Variants in SF3A1 observed in about 807,000 individuals in gnomAD.
SF3A1 encodes the protein SAP 114.
SF3A1 carries 13 observed loss-of-function variants against 89.9 expected under a neutral mutation model. The observed-to-expected ratio is 0.14, with a 90% CI of 0.09 to 0.23. The LOEUF (loss-of-function observed/expected upper bound fraction) is 0.23, where lower values mean the gene tolerates loss of function less well. Among genes scored for constraint, SF3A1 ranks in the 10% least tolerant of loss-of-function variants. SF3A1 has a pLI of 1.00. For missense variants in SF3A1, 604 were observed against 1,022.1 expected (o/e 0.59, Z 5.58); for synonymous variants, 405 against 374.4 (o/e 1.08, Z -0.94).
At chr22:30,342,108 G>T in intron 6 of SF3A1, 92 bp downstream of exon 6, 1 of 1,460,152 alleles carries the variant, frequency 6.8e-7, no homozygotes, top group Non-Finnish European at 9.6e-7. Context: ...CCCTCTGAGA[G>T]ATTCTACTGC....
At chr22:30,345,311 T>C in intron 3 of SF3A1, 121 bp from the exon 4 acceptor site, 1 of 907,734 alleles carries the variant, frequency 1.1e-6, no homozygotes, top group Non-Finnish European at 1.7e-6. Context: ...TAGACTTCTG[T>C]TAATTATGCA....
chr22:30,339,998 C>T (rs1366650975), intron 9 of SF3A1, among the ~76,000 whole-genome samples, 198 bp downstream of exon 9: 1 of 152,224 alleles, frequency 6.6e-6, no homozygotes. Context: ...AGGCACATGG[C>T]ATCTCCTTCA....
chr22:30,346,126 T>C (rs1343127501), intron 3 of SF3A1, 186 bp downstream of exon 3: 1 of 594,752 alleles, frequency 1.7e-6, no homozygotes, highest in Non-Finnish European at 3.0e-6. Context: ...CAAGCAGTGC[T>C]CGGGAAATGC....
At chr22:30,340,908 C>T in intron 7 of SF3A1, 96 bp from the exon 8 acceptor site, 1 of 758,680 alleles carries the variant, frequency 1.3e-6, no homozygotes, top group Non-Finnish European at 2.2e-6. Flanking sequence ...GAGCCTTGGC[C>T]TCTGCCAGCC....
chr22:30,339,125 C>T lies in SF3A1; in HGVS notation c.1497+5G>A, dbSNP rs758826809. The T allele has an allele frequency of 7.4e-6, 12 of 1,613,980 alleles. No homozygotes were observed. The Admixed American group carries it at 8.3e-5, about 11-fold the overall frequency. Reference sequence around the variant, plus strand: ...AGAAGGCACTAGGTTCCACTTTAGCCGCACCTTTTCCTCTGGCTTCTGGAT... The same window carrying T: ...AGAAGGCACTAGGTTCCACTTTAGCTGCACCTTTTCCTCTGGCTTCTGGAT... On this transcript the variant is annotated splice_donor_5th_base_variant and intron_variant, in intron 10 of 15. Coordinates refer to ENST00000215793, the MANE Select transcript of SF3A1 (RefSeq NM_005877.6).
rs756858931 is a variant in SF3A1, at chr22:30,333,802, C to T, written c.*792G>A. ...GTTAAATACATACATTTTAAAGAAA[C>T]GTCATCATATCCACACACCTATGAG... is the stretch of plus-strand genomic sequence containing the variant. On this transcript the variant is annotated 3_prime_UTR_variant, in exon 16 of 16. Transcript: ENST00000215793. 6 of 152,100 alleles carry T rather than the reference C, an allele frequency of 3.9e-5. No homozygotes were observed. Among genetic ancestry groups the T allele is most frequent in the Non-Finnish European group, 7.4e-5 (5 of 68,014 alleles). 9.4% of individuals were successfully genotyped at this position (152,100 alleles called of 1,614,324 possible).
Position 30,337,682 on chromosome 22 carries a change from A to T in SF3A1, c.1951+8T>A. 3.4e-6 allele frequency: 3 copies of T among 886,226 alleles called. No homozygotes were observed. The highest frequency in any genetic ancestry group is 4.8e-6 in the Non-Finnish European group (3 of 618,658). 54.9% of individuals were successfully genotyped at this position (886,226 alleles called of 1,614,324 possible). A position where few individuals can be genotyped will look rare whatever the true frequency, so the allele number is the denominator to read the frequency against. On this transcript the variant is annotated splice_region_variant and intron_variant, in intron 12 of 15. Transcript: ENST00000215793. ...AATGGCCTGGAAAATGATGCAAGAGATACTGACCTGTTGGCACAATCATGG... is the reference window on the plus strand; with the variant it reads ...AATGGCCTGGAAAATGATGCAAGAGTTACTGACCTGTTGGCACAATCATGG...
rs889340238 is a variant in SF3A1 at position 30,339,029 on chromosome 22, G to C, written c.1503C>G (p.Thr501=). ...CCATGCTGCCTGAGTGGCCATCCCAGGTCACCTGCAAGTGAAAGCAAAGCC... is the reference window on the plus strand; with the variant it reads ...CCATGCTGCCTGAGTGGCCATCCCACGTCACCTGCAAGTGAAAGCAAAGCC... The part of the protein sequence containing the change: ...EEIQKPEEKV[T]WDGHSGSMAR... The change falls in exon 11 of 16, where the codon ACC becomes ACG. Residue 501 remains threonine (T), a synonymous_variant. Coordinates refer to ENST00000215793, the MANE Select transcript of SF3A1 (RefSeq NM_005877.6). 1.9e-6 allele frequency: 3 copies of C among 1,613,998 alleles called. No individual in the cohort carries two copies. The highest frequency in any genetic ancestry group is 2.5e-6 in the Non-Finnish European group (3 of 1,180,018).
chr22:30,341,942 T>C (rs1343209689), intron 6 of SF3A1, 57 bp from the exon 7 acceptor site: 11 of 1,534,736 alleles, frequency 7.2e-6, no homozygotes. Flanking sequence ...CTATTTGCCC[T>C]GTCTGAGCTC....
Position 30,337,673 on chromosome 22 carries a change from A to C in SF3A1, c.1951+17T>G. Reference sequence around the variant, plus strand: ...CCCTGAACTAATGGCCTGGAAAATGATGCAAGAGATACTGACCTGTTGGCA... The same window carrying C: ...CCCTGAACTAATGGCCTGGAAAATGCTGCAAGAGATACTGACCTGTTGGCA... On this transcript the variant is annotated intron_variant, in intron 12 of 15. Transcript: ENST00000215793. 1 of 892,672 alleles carries C rather than the reference A, an allele frequency of 1.1e-6. No individual in the cohort carries two copies. Among genetic ancestry groups the C allele is most frequent in the Non-Finnish European group, 1.6e-6 (1 of 614,158 alleles). The allele number at this position is 892,672 out of a possible 1,614,324, so 55.3% of individuals were successfully genotyped here. A position where few individuals can be genotyped will look rare whatever the true frequency, so the allele number is the denominator to read the frequency against.
intron 14 of SF3A1, 57 bp from the exon 15 acceptor site, chr22:30,335,595 T>G (rs1931040233): frequency 1.9e-6 from 3 of 1,612,554 alleles, no homozygotes; most frequent in Middle Eastern, 1.7e-4. Context: ...AGAGGAAGCT[T>G]TCCCCTGAAT....
chr22:30,356,763 G>A lies in SF3A1; in HGVS notation c.30C>T (p.Pro10=). The A allele has an allele frequency of 6.8e-7, 1 of 1,481,020 alleles. No individual in the cohort carries two copies. The highest frequency in any genetic ancestry group is 9.0e-7 in the Non-Finnish European group (1 of 1,111,426). The allele number at this position is 1,481,020 out of a possible 1,614,324, so 91.7% of individuals were successfully genotyped here. MPAGPVQAV[P]PPPPVPTEPK... is the part of the protein sequence containing the mutation. Reference sequence around the variant, plus strand: ...GCTCCGTGGGCACGGGCGGCGGCGGGGGCACCGCCTGCACGGGTCCGGCCG... The same window carrying A: ...GCTCCGTGGGCACGGGCGGCGGCGGAGGCACCGCCTGCACGGGTCCGGCCG... Residue 10 remains proline (P), a synonymous_variant, in exon 1 of 16, where the codon CCC becomes CCT. Transcript: ENST00000215793.
At chr22:30,340,067 G>T in intron 9 of SF3A1, 129 bp downstream of exon 9, 1 of 743,428 alleles carries the variant, frequency 1.3e-6, no homozygotes, top group Non-Finnish European at 2.0e-6. Flanking sequence ...GAGTTCTCTT[G>T]CAATATCATA....
chr22:30,346,524 A>G lies in SF3A1; in HGVS notation c.186-5T>C. On this transcript the variant is annotated splice_polypyrimidine_tract_variant and splice_region_variant and intron_variant, in intron 2 of 15. Coordinates refer to ENST00000215793, the MANE Select transcript of SF3A1 (RefSeq NM_005877.6). Reference sequence around the variant, plus strand: ...GCTTCAAATTCAGGCCCGTTTCTGGAGGAAGAAAAAACAACAAGAATAAAC... The same window carrying G: ...GCTTCAAATTCAGGCCCGTTTCTGGGGGAAGAAAAAACAACAAGAATAAAC... The G allele has an allele frequency of 6.2e-7, 1 of 1,613,908 alleles. No individual in the cohort carries two copies. The highest frequency in any genetic ancestry group is 2.2e-5 in the East Asian group (1 of 44,868).
intron 2 of SF3A1, among the ~76,000 whole-genome samples, chr22:30,349,242 T>A (rs1354436368): frequency 6.6e-6 from 1 of 152,188 alleles, no homozygotes; most frequent in Admixed American, 6.5e-5. Flanking sequence ...CGGATATTGG[T>A]CTCTTTGTTG....
rs1418740349 is a variant in SF3A1, at chr22:30,356,855, G to A, written c.-63C>T. The A allele has an allele frequency of 8.0e-7, 1 of 1,250,814 alleles. No individual in the cohort carries two copies. 77.5% of individuals were successfully genotyped at this position (1,250,814 alleles called of 1,614,324 possible). On this transcript the variant is annotated 5_prime_UTR_variant, in exon 1 of 16. Coordinates refer to ENST00000215793, the MANE Select transcript of SF3A1 (RefSeq NM_005877.6). ...CGGTGAGCGGTGCCGCCTCAAGACAGCCTCCCCGCTCGGTCAGTACGACGA... is the reference window on the plus strand; with the variant it reads ...CGGTGAGCGGTGCCGCCTCAAGACAACCTCCCCGCTCGGTCAGTACGACGA...
intron 5 of SF3A1, 21 bp from the exon 6 acceptor site, chr22:30,342,371 T>C (rs1931286308): frequency 6.3e-7 from 1 of 1,581,590 alleles, no homozygotes; most frequent in African/African-American, 1.3e-5. Flanking sequence ...GGGAAACAGC[T>C]TGGTGCTACG....
At chr22:30,350,461 G>A (rs1931559225) in intron 2 of SF3A1, among the ~76,000 whole-genome samples, 2 of 152,058 alleles carry the variant, frequency 1.3e-5, no homozygotes, top group Admixed American at 1.3e-4. Context: ...CTGCCTGCGT[G>A]TCAGAACGAG....
intron 2 of SF3A1, 140 bp downstream of exon 2, chr22:30,352,811 A>T (rs750375293): frequency 1.1e-5 from 10 of 935,170 alleles, no homozygotes; most frequent in Non-Finnish European, 1.6e-5. Context: ...CCTATTGCCT[A>T]CCCCAGTGCC....
Sources: allele counts gnomAD v4.1 joint callset (sites outside exome capture counted in the v4.1 genomes callset), GRCh38; gene constraint gnomAD v4.1.1; transcripts MANE v1.5; gene names NCBI Gene and HGNC (gene_info 2026-07-23, HGNC 2026-07-21).